The following SLC39A11 variants were observed in gnomAD, a reference collection of about 807,000 sequenced individuals.
The protein encoded by SLC39A11 is solute carrier family 39 member 11.
A neutral mutation model predicts 36.1 loss-of-function variants in SLC39A11; 33 were observed. That is an observed-to-expected ratio of 0.91 (90% CI 0.69 to 1.22). The LOEUF (loss-of-function observed/expected upper bound fraction) is 1.22. SLC39A11 is among the 50% of genes most tolerant of loss of function. SLC39A11 has a pLI of 0.00. For missense variants in SLC39A11, 432 were observed against 430.3 expected, an observed-to-expected ratio of 1.00 and a Z score of -0.03; for synonymous variants, 166 against 170.3, an observed-to-expected ratio of 0.97 and a Z score of 0.20.
intron 5 of SLC39A11, among the ~76,000 whole-genome samples, chr17:72,886,015 C>G (rs1415807264): frequency 6.6e-6 from 1 of 152,188 alleles, no homozygotes; most frequent in Admixed American, 6.5e-5. Context: ...TTTCACATGT[C>G]TAGTCAATTC....
At position 72,898,242 on chromosome 17, in the gene SLC39A11, G is replaced by A. The variant is rs895944379; in HGVS notation, c.431-48438C>T. On this transcript the variant is annotated intron_variant, in intron 5 of 9. Coordinates refer to ENST00000255559, the MANE Select transcript of SLC39A11 (RefSeq NM_139177.4). ...GGAAGGAAATGCTTGTTTTTCAACT[G>A]GCCGCCCCCAAAGACATAAGGATAC... Among the ~76,000 whole-genome samples the A allele has an allele frequency of 3.3e-5, 5 of 152,152 alleles. 1 individual carries two copies. Among genetic ancestry groups the A allele is most frequent in the African/African-American group, 1.2e-4 (5 of 41,422 alleles).
chr17:72,776,898 C>T (rs116394402), intron 6 of SLC39A11, among the ~76,000 whole-genome samples: 2,487 of 152,294 alleles, frequency 0.016, 74 homozygotes, highest in African/African-American at 0.056. Context: ...TTAACCGGAG[C>T]AGTCACTGGG....
intron 5 of SLC39A11, among the ~76,000 whole-genome samples, chr17:72,917,358 T>C (rs547319315): frequency 6.6e-6 from 1 of 152,346 alleles, no homozygotes; most frequent in African/African-American, 2.4e-5. Flanking sequence ...CCCTGCTCTC[T>C]GGGATTTATC....
At chr17:72,954,636 C>G (rs913880572) in intron 4 of SLC39A11, among the ~76,000 whole-genome samples, 1 of 152,170 alleles carries the variant, frequency 6.6e-6, no homozygotes, top group Non-Finnish European at 1.5e-5. Flanking sequence ...TGAGAAGTTG[C>G]CATAATAATG....
intron 7 of SLC39A11, chr17:72,663,851 C>CT (rs1331844485): frequency 6.6e-6 from 1 of 152,238 alleles, no homozygotes; most frequent in Middle Eastern, 3.2e-3. Context: ...CATTTAGTTC[C>CT]CCAGCTCTCA....
chr17:72,802,505 C>A (rs1183631793), intron 6 of SLC39A11, among the ~76,000 whole-genome samples: 4 of 150,796 alleles, frequency 2.7e-5, no homozygotes, highest in Non-Finnish European at 5.9e-5. Flanking sequence ...CAGGAGAATT[C>A]CTTGAATCTA....
chr17:72,782,507 G>C (rs2076352002), intron 6 of SLC39A11, among the ~76,000 whole-genome samples: 1 of 149,092 alleles, frequency 6.7e-6, no homozygotes, highest in Non-Finnish European at 1.5e-5. Context: ...TGGCTAACAG[G>C]GCAAAATCCT....
rs114936157 is a variant in SLC39A11, at chr17:72,916,893, A to T, written c.430+30859T>A. 6.8e-3 allele frequency among the ~76,000 whole-genome samples: 1,032 copies of T among 152,246 alleles called. 9 individuals are homozygous for T. The highest frequency in any genetic ancestry group is 0.023 in the African/African-American group (954 of 41,546). On this transcript the variant is annotated intron_variant, in intron 5 of 9. Transcript: ENST00000255559. ...ACTCAAGCTCAAGCTAGGAATACCC[A>T]CACGTTCCACACACATAGGGAGACT...
intron 5 of SLC39A11, among the ~76,000 whole-genome samples, chr17:72,885,194 A>G (rs1598274841): frequency 6.6e-6 from 1 of 152,214 alleles, no homozygotes; most frequent in East Asian, 1.9e-4. Context: ...AGCTCCAGAC[A>G]GCTATTCCTC....
chr17:72,936,690 A>G (rs1462736247), intron 5 of SLC39A11, among the ~76,000 whole-genome samples: 2 of 152,060 alleles, frequency 1.3e-5, no homozygotes, highest in Non-Finnish European at 1.5e-5. Context: ...GCAGTTCCCA[A>G]CCTTTTTGGC....
At chr17:72,746,090 G>T (rs1568021778) in intron 6 of SLC39A11, among the ~76,000 whole-genome samples, 1 of 152,314 alleles carries the variant, frequency 6.6e-6, no homozygotes, top group East Asian at 1.9e-4. Context: ...AAGGTCAAGG[G>T]TGTCCTTCTC....
chr17:72,782,936 A>C (rs1451943010), intron 6 of SLC39A11, among the ~76,000 whole-genome samples: 1 of 144,668 alleles, frequency 6.9e-6, no homozygotes, highest in African/African-American at 2.5e-5. Context: ...CGGGAGGCGG[A>C]GATTGCGGTG....
chr17:72,734,941 T>C (rs926050709), intron 7 of SLC39A11, among the ~76,000 whole-genome samples: 11 of 152,126 alleles, frequency 7.2e-5, no homozygotes, highest in Admixed American at 1.3e-4. Flanking sequence ...AAAACTGCTG[T>C]GCCAGGGGCA....
intron 5 of SLC39A11, among the ~76,000 whole-genome samples, chr17:72,861,210 G>A (rs1190857339): frequency 6.6e-6 from 1 of 152,150 alleles, no homozygotes; most frequent in South Asian, 2.1e-4. Context: ...CTCCATGTCA[G>A]CAGAGTGAAA....
chr17:72,979,218 A>G (rs1190707556), intron 4 of SLC39A11, among the ~76,000 whole-genome samples: 3 of 152,024 alleles, frequency 2.0e-5, no homozygotes, highest in African/African-American at 7.2e-5. Context: ...TGAAGAAGCT[A>G]CTTTTTCCCC....
intron 6 of SLC39A11, among the ~76,000 whole-genome samples, chr17:72,846,745 G>A (rs1377274920): frequency 1.3e-5 from 2 of 152,178 alleles, no homozygotes; most frequent in African/African-American, 4.8e-5. Flanking sequence ...CAGAGAAATA[G>A]TTGCCGTAAT....
chr17:73,054,316 C>T (rs1373044957), intron 3 of SLC39A11, among the ~76,000 whole-genome samples: 1 of 150,522 alleles, frequency 6.6e-6, no homozygotes, highest in Non-Finnish European at 1.5e-5. Context: ...GAGCCAAGAT[C>T]GCCACTGCAC....
chr17:72,979,256 C>T (rs1466822335), intron 4 of SLC39A11, among the ~76,000 whole-genome samples: 2 of 152,162 alleles, frequency 1.3e-5, no homozygotes, highest in African/African-American at 2.4e-5. Context: ...TTGTAACTTT[C>T]CTGAGGGCTC....
intron 5 of SLC39A11, among the ~76,000 whole-genome samples, chr17:72,875,350 A>G (rs1305422530): frequency 6.6e-6 from 1 of 152,218 alleles, no homozygotes. Flanking sequence ...AAGAACTGCC[A>G]ATGGAGAAAG....
Sources: allele counts gnomAD v4.1 joint callset (sites outside exome capture counted in the v4.1 genomes callset), GRCh38; gene constraint gnomAD v4.1.1; transcripts MANE v1.5; gene names NCBI Gene and HGNC (gene_info 2026-07-23, HGNC 2026-07-21).